Variants in KLHL7 observed in about 807,000 individuals in gnomAD.
The protein encoded by KLHL7 is kelch-like protein 7.
Under a neutral mutation model 67.4 loss-of-function variants are expected in KLHL7, and 44 were observed. The observed-to-expected ratio is 0.65, with a 90% CI of 0.51 to 0.84. KLHL7 has a LOEUF of 0.84. KLHL7 is among the 40% of genes least tolerant of loss of function. The pLI, the probability that KLHL7 is intolerant of heterozygous loss-of-function variation, is 0.00. For synonymous variants in KLHL7, 252 were observed against 243.3 expected (o/e 1.04, Z -0.33); for missense variants, 362 against 718.1 (o/e 0.50, Z 5.67).
intron 1 of KLHL7, 39 bp downstream of exon 1, chr7:23,106,185 T>TGGTC (rs1239879492): frequency 1.9e-6 from 3 of 1,601,336 alleles, no homozygotes; most frequent in Non-Finnish European, 2.6e-6. Context: ...CGGTGGGAGG[T>TGGTC]GGTCCGGGGC....
At chr7:23,155,742 T>G (rs1056477537) in intron 7 of KLHL7, among the ~76,000 whole-genome samples, 1 of 152,176 alleles carries the variant, frequency 6.6e-6, no homozygotes, top group Non-Finnish European at 1.5e-5. Context: ...CCAATTTGTT[T>G]CCCAAACCAT....
At chr7:23,106,813 G>A (rs1246577425) in intron 1 of KLHL7, 2 of 984,950 alleles carry the variant, frequency 2.0e-6, no homozygotes, top group African/African-American at 1.8e-5. Context: ...TGAAAAGAAC[G>A]GATTTTAACG....
chr7:23,127,872 G>GGAAAAAACAA (rs1463607102), intron 4 of KLHL7, among the ~76,000 whole-genome samples: 1 of 150,406 alleles, frequency 6.6e-6, no homozygotes, highest in Non-Finnish European at 1.5e-5. Flanking sequence ...ACCCTGTCTT[G>GGAAAAAACAA]GAAAAAACAA....
At chr7:23,106,631 G>A in intron 1 of KLHL7, 1 of 1,036,792 alleles carries the variant, frequency 9.6e-7, no homozygotes, top group Non-Finnish European at 1.2e-6. Flanking sequence ...GGAGCTAGTT[G>A]AAGAGGAGTC....
intron 1 of KLHL7, among the ~76,000 whole-genome samples, chr7:23,110,634 CT>C (rs1782827913): frequency 6.6e-6 from 1 of 151,086 alleles, no homozygotes; most frequent in Non-Finnish European, 1.5e-5. Flanking sequence ...TATTATTATA[CT>C]TTAAGTTTTA....
At chr7:23,169,072 C>G (rs1785081681) in intron 9 of KLHL7, among the ~76,000 whole-genome samples, 2 of 151,944 alleles carry the variant, frequency 1.3e-5, no homozygotes, top group South Asian at 4.2e-4. Flanking sequence ...ATCAGCCTGG[C>G]CAACATGGCA....
At chr7:23,142,021 C>T (rs1320451752) in intron 5 of KLHL7, among the ~76,000 whole-genome samples, 7 of 152,118 alleles carry the variant, frequency 4.6e-5, no homozygotes, top group African/African-American at 1.7e-4. Context: ...CGGGTTCAAG[C>T]GATTCTCATG....
chr7:23,110,737 G>T (rs202213865), intron 1 of KLHL7, among the ~76,000 whole-genome samples: 1 of 149,880 alleles, frequency 6.7e-6, no homozygotes, highest in South Asian at 2.1e-4. Flanking sequence ...TTAGTATTAG[G>T]TATATCTCCT....
chr7:23,145,397 G>A (rs1193358530), intron 6 of KLHL7, among the ~76,000 whole-genome samples: 1 of 151,748 alleles, frequency 6.6e-6, no homozygotes, highest in African/African-American at 2.4e-5. Flanking sequence ...AGTCTTTGTA[G>A]TGCTTTTGAA....
At chr7:23,168,269 G>A (rs537907246) in intron 9 of KLHL7, among the ~76,000 whole-genome samples, 8 of 152,214 alleles carry the variant, frequency 5.3e-5, no homozygotes, top group South Asian at 2.1e-4. Flanking sequence ...CTGGTTCTGC[G>A]TGCAATAAAT....
chr7:23,144,618 C>T (rs1200323960), intron 6 of KLHL7, among the ~76,000 whole-genome samples: 3 of 152,198 alleles, frequency 2.0e-5, no homozygotes, highest in African/African-American at 7.2e-5. Flanking sequence ...GGGTTTCCTT[C>T]TGCACAATCC....
intron 7 of KLHL7, 93 bp downstream of exon 7, chr7:23,152,302 C>A: frequency 9.0e-7 from 1 of 1,110,916 alleles, no homozygotes; most frequent in Non-Finnish European, 1.4e-6. Flanking sequence ...TAACTCATAC[C>A]TTTAGAGATG....
At chr7:23,155,983 T>C (rs1037992291) in intron 7 of KLHL7, 19 of 462,342 alleles carry the variant, frequency 4.1e-5, no homozygotes, top group Non-Finnish European at 6.7e-5. Flanking sequence ...TTTTTTTTTA[T>C]TGGACAGTTG....
chr7:23,166,072 T>A, intron 8 of KLHL7, 134 bp downstream of exon 8: 1 of 1,038,552 alleles, frequency 9.6e-7, no homozygotes, highest in South Asian at 1.4e-5. Flanking sequence ...GTTTGTCACA[T>A]TTTAGAGCTC....
At chr7:23,121,481 G>A (rs181388002) in intron 1 of KLHL7, among the ~76,000 whole-genome samples, 2 of 142,400 alleles carry the variant, frequency 1.4e-5, no homozygotes, top group African/African-American at 5.4e-5. Context: ...TTTTTTTTTT[G>A]TAGAGACAGA....
At chr7:23,135,218 T>C (rs1451060508) in intron 4 of KLHL7, among the ~76,000 whole-genome samples, 1 of 152,244 alleles carries the variant, frequency 6.6e-6, no homozygotes, top group Admixed American at 6.5e-5. Context: ...TACTGTATAA[T>C]TTCCATGTGT....
Position 23,150,090 on chromosome 7 carries a change from C to G in KLHL7, c.794-1977C>G, listed in dbSNP as rs537840829. ...GAGAGGACTGCTGAGCCTAAGAGTT[C>G]AAGGTTATAGTGAGTTGTTATGGCA... On this transcript the variant is annotated intron_variant, in intron 6 of 10. Transcript: ENST00000339077. Among the ~76,000 whole-genome samples, 59 of 152,148 alleles carry G rather than the reference C, an allele frequency of 3.9e-4. 1 individual carries two copies. The highest frequency in any genetic ancestry group is 2.5e-3 in the South Asian group (12 of 4,818).
At chr7:23,145,947 G>A (rs1784342272) in intron 6 of KLHL7, among the ~76,000 whole-genome samples, 1 of 152,086 alleles carries the variant, frequency 6.6e-6, no homozygotes, top group African/African-American at 2.4e-5. Flanking sequence ...GTTCAGGCTG[G>A]TCTCAAACTT....
intron 9 of KLHL7, 188 bp downstream of exon 9, chr7:23,168,225 C>G: frequency 1.7e-6 from 1 of 604,508 alleles, no homozygotes; most frequent in Non-Finnish European, 2.9e-6. Context: ...CCAGAAATGG[C>G]TTGAACTTAC....
Sources: allele counts gnomAD v4.1 joint callset (sites outside exome capture counted in the v4.1 genomes callset), GRCh38; gene constraint gnomAD v4.1.1; transcripts MANE v1.5; gene names NCBI Gene and HGNC (gene_info 2026-07-23, HGNC 2026-07-21).